Variants in GRIK2 observed in about 807,000 individuals in gnomAD.
The protein encoded by GRIK2 is glutamate ionotropic receptor kainate type subunit 2.
A neutral mutation model predicts 100.3 loss-of-function variants in GRIK2; 32 were observed. The ratio of observed to expected loss-of-function variants is 0.32; its 90% CI spans 0.24 to 0.43. The LOEUF is 0.43. GRIK2 is among the 20% of genes least tolerant of loss of function. GRIK2 has a pLI of 1.00. For missense variants in GRIK2, 843 were observed against 1,114.9 expected (o/e 0.76, Z 3.47); for synonymous variants, 417 against 389.4 (o/e 1.07, Z -0.83).
At chr6:101,493,957 T>C (rs1026887790) in intron 2 of GRIK2, among the ~76,000 whole-genome samples, 1 of 139,628 alleles carries the variant, frequency 7.2e-6, no homozygotes, top group African/African-American at 2.6e-5. Flanking sequence ...ATATAATATA[T>C]ATATTTTATA....
intron 2 of GRIK2, among the ~76,000 whole-genome samples, chr6:101,422,624 C>T (rs1055673969): frequency 5.9e-5 from 9 of 151,632 alleles, no homozygotes; most frequent in Non-Finnish European, 1.0e-4. Flanking sequence ...GAAGGAAATA[C>T]TCCCAGGCTT....
intron 14 of GRIK2, among the ~76,000 whole-genome samples, chr6:101,939,408 G>A (rs1213202141): frequency 6.6e-6 from 1 of 151,992 alleles, no homozygotes. Context: ...ATGTTGAATT[G>A]TTAAATTTCG....
intron 7 of GRIK2, among the ~76,000 whole-genome samples, chr6:101,723,434 T>C (rs1774630256): frequency 6.6e-6 from 1 of 151,978 alleles, no homozygotes; most frequent in African/African-American, 2.4e-5. Flanking sequence ...TCAAAAATAA[T>C]AGTAGATTGC....
intron 2 of GRIK2, among the ~76,000 whole-genome samples, chr6:101,525,057 G>T (rs917634496): frequency 6.6e-6 from 1 of 152,052 alleles, no homozygotes; most frequent in African/African-American, 2.4e-5. Flanking sequence ...CTTGAAAGCA[G>T]TATGAAACAT....
rs567887992 is a variant in GRIK2 at position 101,587,560 on chromosome 6, A to G, written c.116-34389A>G. On this transcript the variant is annotated intron_variant, in intron 2 of 16. Transcript: ENST00000369134. ...TGATAGATAAATTTTCAGTATTAATAAAATATATGAATTTTCAGATTGGAA... is the reference window on the plus strand; with the variant it reads ...TGATAGATAAATTTTCAGTATTAATGAAATATATGAATTTTCAGATTGGAA... 9.2e-5 allele frequency among the ~76,000 whole-genome samples: 14 copies of G among 152,256 alleles called. No individual in the cohort carries two copies. In the South Asian group the frequency reaches 2.9e-3, roughly 32 times the overall value.
At chr6:102,009,584 G>T (rs1007759709) in intron 14 of GRIK2, among the ~76,000 whole-genome samples, 1 of 152,106 alleles carries the variant, frequency 6.6e-6, no homozygotes, top group African/African-American at 2.4e-5. Context: ...GCTTTTAGAT[G>T]TAAGAAAATG....
chr6:102,017,943 A>C (rs1195176224), intron 14 of GRIK2, among the ~76,000 whole-genome samples: 1 of 152,006 alleles, frequency 6.6e-6, no homozygotes, highest in Non-Finnish European at 1.5e-5. Context: ...TACTTTTTCC[A>C]TTAAAGGCCA....
At chr6:101,916,264 A>G (rs533666265) in intron 12 of GRIK2, among the ~76,000 whole-genome samples, 3 of 151,654 alleles carry the variant, frequency 2.0e-5, no homozygotes, top group Admixed American at 6.6e-5. Context: ...ATTAGTTAAT[A>G]CACTTATTAA....
chr6:101,928,706 A>T (rs530139282), intron 14 of GRIK2, 74 bp downstream of exon 14: 7 of 770,478 alleles, frequency 9.1e-6, no homozygotes, highest in Non-Finnish European at 1.6e-5. Context: ...TCACAAATGT[A>T]AGAGTGTAAC....
intron 11 of GRIK2, among the ~76,000 whole-genome samples, chr6:101,882,882 C>A (rs928979430): frequency 1.3e-5 from 2 of 151,974 alleles, no homozygotes; most frequent in Non-Finnish European, 2.9e-5. Flanking sequence ...TAACCATATG[C>A]GGTAACTTGT....
chr6:101,792,979 C>G (rs9498708), intron 7 of GRIK2, among the ~76,000 whole-genome samples: 3 of 151,808 alleles, frequency 2.0e-5, no homozygotes, highest in Non-Finnish European at 4.4e-5. Context: ...CACTGATACC[C>G]TTTCTTCCAG....
At position 101,799,762 on chromosome 6, in the gene GRIK2, G is replaced by A; in HGVS notation, c.1066G>A (p.Gly356Arg). The A allele has an allele frequency of 6.2e-7, 1 of 1,613,510 alleles. No individual in the cohort carries two copies. The highest frequency in any genetic ancestry group is 8.5e-7 in the Non-Finnish European group (1 of 1,179,610). Residue 356 changes from glycine (G) to arginine (R), a missense_variant, in exon 8 of 17, where the codon GGG becomes AGG. Physicochemically the swap from Gly to Arg is moderately radical, Grantham distance 125. Around this residue, in one of 3 missense-constraint regions of GRIK2, gnomAD observed 519 missense variants for 643.8 expected, o/e 0.81. Coordinates refer to ENST00000369134, the MANE Select transcript of GRIK2 (RefSeq NM_021956.5). The part of the protein sequence containing the change: ...QCNRHKPWRF[G>R]TRFMSLIKEA... ...TAATCGACATAAACCCTGGCGCTTC[G>A]GGACCCGCTTTATGAGTCTAATTAA... is the stretch of plus-strand genomic sequence containing the variant.
At chr6:101,843,235 T>C (rs1243901826) in intron 10 of GRIK2, among the ~76,000 whole-genome samples, 2 of 152,218 alleles carry the variant, frequency 1.3e-5, no homozygotes, top group East Asian at 3.9e-4. Context: ...AGGATATGAA[T>C]TCAAAGAGTG....
chr6:102,046,009 G>C (rs890820557), intron 15 of GRIK2, among the ~76,000 whole-genome samples: 3 of 152,020 alleles, frequency 2.0e-5, no homozygotes, highest in Non-Finnish European at 4.4e-5. Flanking sequence ...GATGGAAAAT[G>C]TATTCCATGC....
intron 9 of GRIK2, among the ~76,000 whole-genome samples, chr6:101,808,489 T>C (rs2128417371): frequency 6.6e-6 from 1 of 152,162 alleles, no homozygotes; most frequent in South Asian, 2.1e-4. Flanking sequence ...TCTTTTACTG[T>C]TACACTTTCC....
intron 2 of GRIK2, among the ~76,000 whole-genome samples, chr6:101,404,625 T>A (rs1209180825): frequency 1.3e-5 from 2 of 152,226 alleles, no homozygotes; most frequent in Non-Finnish European, 2.9e-5. Flanking sequence ...ATTAATCTAC[T>A]GCATGCTTAA....
chr6:101,478,504 TG>T lies in GRIK2; in HGVS notation c.115+79114del, dbSNP rs1333442758. On this transcript the variant is annotated intron_variant, in intron 2 of 16. Transcript: ENST00000369134. ...CAAACTTGTTCTTTTACTTCTGTTTTGGTTTTTTTTTTTTTTTTTTTTTAAT... is the reference window on the plus strand; with the variant it reads ...CAAACTTGTTCTTTTACTTCTGTTTTGTTTTTTTTTTTTTTTTTTTTTAAT... Among the ~76,000 whole-genome samples the T allele has an allele frequency of 1.5e-4, 21 of 142,494 alleles. No homozygotes were observed. In the South Asian group the frequency reaches 2.6e-3, roughly 17 times the overall value. 93.5% of individuals were successfully genotyped at this position (142,494 alleles called of 152,430 possible).
chr6:101,751,283 G>A (rs1776771676), intron 7 of GRIK2, among the ~76,000 whole-genome samples: 1 of 151,192 alleles, frequency 6.6e-6, no homozygotes, highest in East Asian at 1.9e-4. Context: ...TTTATTATGG[G>A]GAATTTTAAA....
rs73761433 is a variant in GRIK2 at position 101,809,001 on chromosome 6, G to T, written c.1203+6563G>T. ...AATAATATAAATATAAAAATAATTT[G>T]TAAATGTCTTATAAATAGTATTTAT... On this transcript the variant is annotated intron_variant, in intron 9 of 16. Transcript: ENST00000369134. Among the ~76,000 whole-genome samples, 714 of 151,106 alleles carry T rather than the reference G, an allele frequency of 4.7e-3. 5 individuals carry two copies. Among genetic ancestry groups the T allele is most frequent in the African/African-American group, 0.016 (660 of 41,344 alleles).
Sources: gnomAD v4.1 joint callset for allele counts (sites outside exome capture counted in the v4.1 genomes callset) on GRCh38, gnomAD v4.1.1 for gene constraint, gnomAD v4.1.1 regional missense constraint, MANE v1.5 for transcripts, NCBI Gene and HGNC (gene_info 2026-07-23, HGNC 2026-07-21) for gene names.